CAMK4: variants seen among roughly 807,000 people sequenced by gnomAD.
The protein encoded by CAMK4 is calcium/calmodulin dependent protein kinase IV, also known as calcium/calmodulin-dependent protein kinase type IV.
Under a neutral mutation model 44.9 loss-of-function variants are expected in CAMK4, and 22 were observed. The observed-to-expected ratio is 0.49, with a 90% CI of 0.35 to 0.70. The LOEUF (loss-of-function observed/expected upper bound fraction) is 0.70. Ranked by LOEUF, CAMK4 falls within the 30% of genes least tolerant of loss-of-function variation. CAMK4 has a pLI of 0.01. For synonymous variants in CAMK4, 218 were observed against 215.4 expected, an observed-to-expected ratio of 1.01 and a Z score of -0.11; for missense variants, 498 against 586.8, an observed-to-expected ratio of 0.85 and a Z score of 1.56.
chr5:111,376,608 A>G (rs1402552471), intron 3 of CAMK4, among the ~76,000 whole-genome samples: 1 of 152,138 alleles, frequency 6.6e-6, no homozygotes, highest in Non-Finnish European at 1.5e-5. Context: ...TCCAAGGCAG[A>G]CATCTTTCAA....
intron 7 of CAMK4, among the ~76,000 whole-genome samples, chr5:111,461,131 T>C (rs182039679): frequency 5.9e-5 from 9 of 152,038 alleles, no homozygotes; most frequent in African/African-American, 1.9e-4. Context: ...GAACATAAAG[T>C]ATATCACTTG....
chr5:111,241,698 T>C (rs1469642492), intron 1 of CAMK4, among the ~76,000 whole-genome samples: 1 of 152,214 alleles, frequency 6.6e-6, no homozygotes, highest in Non-Finnish European at 1.5e-5. Context: ...TAAATTCTTA[T>C]ATATATAAAA....
chr5:111,448,257 GTCT>G lies in CAMK4; in HGVS notation c.551-867_551-865del, dbSNP rs1754097724. Among the ~76,000 whole-genome samples, 5 of 152,308 alleles carry G rather than the reference GTCT, an allele frequency of 3.3e-5. No homozygotes were observed. In the South Asian group the frequency reaches 1.0e-3, roughly 32 times the overall value. On this transcript the variant is annotated intron_variant, in intron 6 of 10. Transcript: ENST00000282356. ...GGATTCTTACCAAAAAAATCTTATAGTCTTCTTATGAGAGTAAATTCTTATAAG... is the reference window on the plus strand; with the variant it reads ...GGATTCTTACCAAAAAAATCTTATAGTCTTATGAGAGTAAATTCTTATAAG...
upstream of CAMK4, chr5:111,223,654 G>C (rs986178319): frequency 6.6e-6 from 1 of 152,366 alleles, no homozygotes; most frequent in Non-Finnish European, 1.5e-5. The surrounding 1 kb of genome is among the most constrained non-coding windows in gnomAD (Gnocchi z 4.3). Flanking sequence ...CGAGGAGGCA[G>C]TGCCACCAGC....
intron 2 of CAMK4, among the ~76,000 whole-genome samples, chr5:111,359,723 A>G (rs949246269): frequency 3.9e-5 from 6 of 152,020 alleles, no homozygotes; most frequent in African/African-American, 1.4e-4. Context: ...TGGGTTTTAC[A>G]TTTAAGGCTT....
In CAMK4 at chr5:111,429,423, T is replaced by C. The variant is rs974044678; in HGVS notation, c.460-17263T>C. Among the ~76,000 whole-genome samples, 5 of 152,002 alleles carry C rather than the reference T, an allele frequency of 3.3e-5. No individual in the cohort carries two copies. In the South Asian group the frequency reaches 8.3e-4, roughly 25 times the overall value. The stretch of plus-strand genomic sequence containing the variant: ...CCTAGATACATGCAACCTACCAAGA[T>C]TGAATCAGAAAGAAATCTAAAACCT... On this transcript the variant is annotated intron_variant, in intron 5 of 10. Coordinates refer to ENST00000282356, the MANE Select transcript of CAMK4 (RefSeq NM_001744.6).
intron 5 of CAMK4, among the ~76,000 whole-genome samples, chr5:111,405,244 C>A (rs188876855): frequency 6.6e-6 from 1 of 152,072 alleles, no homozygotes; most frequent in South Asian, 2.1e-4. Flanking sequence ...CCAAGGCGGG[C>A]GGATCACAAG....
Position 111,425,362 on chromosome 5 carries a change from C to T in CAMK4, c.460-21324C>T, listed in dbSNP as rs150304020. On this transcript the variant is annotated intron_variant, in intron 5 of 10. Transcript: ENST00000282356. ...CCATGGGCTGATGAATCAGATTGGT[C>T]TCACCTGGCACAGGTGGTGCCAGAG... Among the ~76,000 whole-genome samples the T allele has an allele frequency of 3.9e-3, 597 of 152,308 alleles. 7 individuals carry two copies. The highest frequency in any genetic ancestry group is 0.013 in the African/African-American group (544 of 41,562).
At chr5:111,479,093 G>A (rs901301112) in intron 9 of CAMK4, among the ~76,000 whole-genome samples, 1 of 152,084 alleles carries the variant, frequency 6.6e-6, no homozygotes, top group Non-Finnish European at 1.5e-5. Context: ...TGCCCAGGCT[G>A]GTCTCAAACT....
chr5:111,317,894 T>A (rs1460453525), intron 1 of CAMK4, among the ~76,000 whole-genome samples: 1 of 38,482 alleles, frequency 2.6e-5, no homozygotes, highest in Non-Finnish European at 5.3e-5. Context: ...GGTGGAGTAA[T>A]ATGTAAAAAA....
At chr5:111,254,991 G>A (rs1332783216) in intron 1 of CAMK4, among the ~76,000 whole-genome samples, 17 of 151,626 alleles carry the variant, frequency 1.1e-4, no homozygotes, top group Admixed American at 1.1e-3. Context: ...TGAGCTCATT[G>A]ATGAAAAAAG....
At position 111,290,812 on chromosome 5, in the gene CAMK4, T is replaced by C. The variant is rs1382958498; in HGVS notation, c.162-53212T>C. Among the ~76,000 whole-genome samples, 1 of 152,022 alleles carries C rather than the reference T, an allele frequency of 6.6e-6. No individual in the cohort carries two copies. The highest frequency in any genetic ancestry group is 2.4e-5 in the African/African-American group (1 of 41,358). On this transcript the variant is annotated intron_variant, in intron 1 of 10. Coordinates refer to ENST00000282356, the MANE Select transcript of CAMK4 (RefSeq NM_001744.6). The surrounding 1 kb of genome is among the most constrained non-coding windows in gnomAD (Gnocchi z 4.5). ...GGGTCCCCTACTAATACCTGGGGAG[T>C]AGAAAATCACACGTCTCTTGGAGGT...
intron 1 of CAMK4, among the ~76,000 whole-genome samples, chr5:111,242,049 G>C (rs1266136279): frequency 6.6e-6 from 1 of 152,176 alleles, no homozygotes; most frequent in Non-Finnish European, 1.5e-5. Context: ...AGGCAACTTT[G>C]ACACAGGCTA....
At position 111,486,542 on chromosome 5, in the gene CAMK4, C is replaced by CACACACACACAT. The variant is rs139004418; in HGVS notation, c.*2076_*2077insACACACACACAT. 0.025 allele frequency: 3,707 copies of CACACACACACAT among 147,306 alleles called. 102 individuals are homozygous for CACACACACACAT. Among genetic ancestry groups the CACACACACACAT allele is most frequent in the Non-Finnish European group, 0.036 (2,402 of 67,200 alleles). The allele number at this position is 147,306 out of a possible 1,614,324, so 9.1% of individuals were successfully genotyped here. A position where few individuals can be genotyped will look rare whatever the true frequency, so the allele number is the denominator to read the frequency against. On this transcript the variant is annotated 3_prime_UTR_variant, in exon 11 of 11. Transcript: ENST00000282356. The stretch of plus-strand genomic sequence containing the variant: ...ACACACACACACACACACACACACA[C>CACACACACACAT]GTGTTGGAAGAGCAAAGAGAGGGAA...
At chr5:111,469,678 GC>G (rs1754995182) in intron 7 of CAMK4, among the ~76,000 whole-genome samples, 2 of 152,192 alleles carry the variant, frequency 1.3e-5, no homozygotes, top group South Asian at 4.1e-4. Flanking sequence ...TTTCACTAGA[GC>G]CAACAGGATG....
At chr5:111,316,696 A>C (rs534873531) in intron 1 of CAMK4, among the ~76,000 whole-genome samples, 2 of 152,294 alleles carry the variant, frequency 1.3e-5, no homozygotes, top group East Asian at 3.9e-4. Flanking sequence ...CATTGTGGTT[A>C]TATTAGAAGA....
intron 4 of CAMK4, among the ~76,000 whole-genome samples, chr5:111,383,698 C>G (rs1580680986): frequency 6.6e-6 from 1 of 151,432 alleles, no homozygotes; most frequent in South Asian, 2.1e-4. Context: ...ATCTCTTGAC[C>G]TCGTGATCCA....
intron 1 of CAMK4, among the ~76,000 whole-genome samples, chr5:111,294,164 G>C (rs1219439881): frequency 6.6e-6 from 1 of 152,032 alleles, no homozygotes; most frequent in Non-Finnish European, 1.5e-5. Context: ...AATACATATA[G>C]AAAGCTCACA....
chr5:111,397,764 AT>A (rs1752075777), intron 5 of CAMK4, among the ~76,000 whole-genome samples: 4 of 150,906 alleles, frequency 2.7e-5, no homozygotes, highest in Non-Finnish European at 5.9e-5. Context: ...TGTCTAACAG[AT>A]TTCTTTTTTC....
Sources: gnomAD v4.1 joint callset for allele counts (sites outside exome capture counted in the v4.1 genomes callset) on GRCh38, gnomAD v4.1.1 for gene constraint, Gnocchi (gnomAD v3.1) non-coding constraint, MANE v1.5 for transcripts, NCBI Gene and HGNC (gene_info 2026-07-23, HGNC 2026-07-21) for gene names.